UGP2: variants seen among roughly 807,000 people sequenced by gnomAD.
The protein encoded by UGP2 is UDP-glucose pyrophosphorylase 2.
Under a neutral mutation model 49.0 loss-of-function variants are expected in UGP2, and 40 were observed. The ratio of observed to expected loss-of-function variants is 0.82; its 90% CI spans 0.63 to 1.06. UGP2 has a LOEUF of 1.06. Ranked by LOEUF, UGP2 falls within the 50% of genes least tolerant of loss-of-function variation. The pLI is 0.00. For synonymous variants in UGP2, 225 were observed against 213.0 expected, an observed-to-expected ratio of 1.06 and a Z score of -0.49; for missense variants, 460 against 603.5, an observed-to-expected ratio of 0.76 and a Z score of 2.49.
chr2:63,861,700 A>AC (rs1669862128), intron 3 of UGP2, among the ~76,000 whole-genome samples: 5 of 151,586 alleles, frequency 3.3e-5, no homozygotes, highest in Admixed American at 3.3e-4. Context: ...AAAAAAAAAA[A>AC]AAACAAAAAA....
At chr2:63,859,969 C>G (rs900670083) in intron 3 of UGP2, among the ~76,000 whole-genome samples, 2 of 152,138 alleles carry the variant, frequency 1.3e-5, no homozygotes, top group African/African-American at 4.8e-5. Flanking sequence ...GAATACAAAT[C>G]TTGAGCTAAT....
At chr2:63,885,478 T>C (rs1671612918) in intron 5 of UGP2, 111 bp from the exon 6 acceptor site, 1 of 860,660 alleles carries the variant, frequency 1.2e-6, no homozygotes, top group East Asian at 3.1e-5. Context: ...TACTTATTGA[T>C]AGACTCTGAA....
chr2:63,881,860 C>A (rs1000746683), intron 3 of UGP2, among the ~76,000 whole-genome samples: 11 of 152,180 alleles, frequency 7.2e-5, no homozygotes, highest in African/African-American at 1.7e-4. Flanking sequence ...TATGGTGACA[C>A]CTGAAAGTTA....
chr2:63,878,089 CTGT>C (rs1434168074), intron 3 of UGP2, among the ~76,000 whole-genome samples: 2 of 146,532 alleles, frequency 1.4e-5, no homozygotes, highest in Non-Finnish European at 3.0e-5. Context: ...GGCGATTGAA[CTGT>C]TGTTAGTAAG....
intron 1 of UGP2, 104 bp downstream of exon 1, chr2:63,842,308 A>T (rs1007289313): frequency 1.2e-6 from 2 of 1,607,728 alleles, no homozygotes; most frequent in Non-Finnish European, 8.5e-7. Flanking sequence ...TTCATTTGAG[A>T]TAACATTTGC....
intron 5 of UGP2, among the ~76,000 whole-genome samples, chr2:63,885,058 T>C (rs1031781070): frequency 6.7e-6 from 1 of 149,552 alleles, no homozygotes; most frequent in African/African-American, 2.4e-5. Flanking sequence ...TTCTAGTCTT[T>C]AGTCTGTTGC....
chr2:63,847,728 G>A (rs1249118033), intron 1 of UGP2, among the ~76,000 whole-genome samples: 2 of 152,180 alleles, frequency 1.3e-5, no homozygotes, highest in African/African-American at 4.8e-5. Context: ...CTTTCACAAG[G>A]TAATGTCATC....
intron 3 of UGP2, among the ~76,000 whole-genome samples, chr2:63,879,614 A>G (rs761583581): frequency 1.4e-4 from 21 of 152,270 alleles, no homozygotes; most frequent in Non-Finnish European, 2.5e-4. Flanking sequence ...TGTTACACAC[A>G]TAGGTGGTAA....
intron 3 of UGP2, among the ~76,000 whole-genome samples, chr2:63,858,223 A>AT (rs1473000836): frequency 6.6e-6 from 1 of 152,214 alleles, no homozygotes; most frequent in African/African-American, 2.4e-5. Context: ...TAAATATCCC[A>AT]TAAGAGCTTC....
chr2:63,882,716 A>G, intron 4 of UGP2, 65 bp downstream of exon 4: 1 of 1,403,258 alleles, frequency 7.1e-7, no homozygotes, highest in Non-Finnish European at 9.4e-7. Context: ...GTTATCATAA[A>G]TGTTATAAAA....
intron 2 of UGP2, 59 bp downstream of exon 2, chr2:63,856,492 T>G: frequency 7.0e-7 from 1 of 1,427,366 alleles, no homozygotes; most frequent in Non-Finnish European, 9.4e-7. Context: ...GTCTTCATGC[T>G]GAGTTGCTGC....
chr2:63,875,075 A>G (rs112149376), intron 3 of UGP2, among the ~76,000 whole-genome samples: 20 of 152,378 alleles, frequency 1.3e-4, no homozygotes, highest in African/African-American at 4.3e-4. Context: ...GGATCTTTCA[A>G]ATGATCCAGA....
At chr2:63,889,184 A>G (rs1671900492) in intron 8 of UGP2, 2 of 152,378 alleles carry the variant, frequency 1.3e-5, no homozygotes, top group African/African-American at 4.8e-5. Flanking sequence ...TGGATTTAAA[A>G]GAGAATGAAA....
Position 63,885,584 on chromosome 2 carries a change from TAAAGG to T in UGP2, c.576-4_576del. On this transcript the variant is annotated splice_acceptor_variant and splice_polypyrimidine_tract_variant and coding_sequence_variant and intron_variant, in exon 6 of 10. Coordinates refer to ENST00000337130, the MANE Select transcript of UGP2 (RefSeq NM_006759.4). LOFTEE classifies it high-confidence loss of function. ...TATTGAAAAAGAACTTTTTTTTTTT[TAAAGG>T]TACCCGAGGATTAATAAAGAATCTT... The T allele has an allele frequency of 2.0e-6, 3 of 1,513,676 alleles. No individual in the cohort carries two copies. The highest frequency in any genetic ancestry group is 2.4e-5 in the Admixed American group (1 of 41,590). The allele number at this position is 1,513,676 out of a possible 1,614,324, so 93.8% of individuals were successfully genotyped here. A position where few individuals can be genotyped will look rare whatever the true frequency, so the allele number is the denominator to read the frequency against.
chr2:63,868,692 G>T (rs953233842), intron 3 of UGP2, among the ~76,000 whole-genome samples: 1 of 151,986 alleles, frequency 6.6e-6, no homozygotes, highest in East Asian at 1.9e-4. Context: ...GGCTGGGCGC[G>T]GTAGCTCACA....
intron 1 of UGP2, among the ~76,000 whole-genome samples, chr2:63,850,646 CCTAT>C (rs1410963813): frequency 1.3e-5 from 2 of 152,132 alleles, no homozygotes; most frequent in African/African-American, 4.8e-5. Flanking sequence ...GTCTAGACTA[CCTAT>C]CTGTGTGAAA....
At chr2:63,858,940 A>G (rs1669642545) in intron 3 of UGP2, among the ~76,000 whole-genome samples, 1 of 137,586 alleles carries the variant, frequency 7.3e-6, no homozygotes, top group Non-Finnish European at 1.5e-5. Flanking sequence ...AATTTAAGTA[A>G]CCTCACTTAT....
At chr2:63,849,321 T>G (rs2104252667) in intron 1 of UGP2, among the ~76,000 whole-genome samples, 1 of 152,336 alleles carries the variant, frequency 6.6e-6, no homozygotes, top group Non-Finnish European at 1.5e-5. Context: ...GATTGGAGTT[T>G]GTATTTTCTT....
chr2:63,890,243 C>T, intron 9 of UGP2, 58 bp downstream of exon 9: 2 of 1,284,972 alleles, frequency 1.6e-6, no homozygotes, highest in South Asian at 2.7e-5. Context: ...GTCTCATTTT[C>T]TAGTCATAAA....
Sources: allele counts gnomAD v4.1 joint callset (sites outside exome capture counted in the v4.1 genomes callset), GRCh38; gene constraint gnomAD v4.1.1; transcripts MANE v1.5; gene names NCBI Gene and HGNC (gene_info 2026-07-23, HGNC 2026-07-21).